CDKN2B-AS1: variants seen among roughly 807,000 people sequenced by gnomAD.
CDKN2B-AS1 encodes CDKN2B antisense RNA 1 (non-protein coding).
chr9:22,017,477 C>G (rs946295837), intron 1 of CDKN2B-AS1, among the ~76,000 whole-genome samples: 5 of 152,196 alleles, frequency 3.3e-5, no homozygotes, highest in Non-Finnish European at 7.3e-5. Flanking sequence ...GGTGTACACA[C>G]AGGGTTTACT....
At position 22,005,477 on chromosome 9, in the gene CDKN2B-AS1, T is replaced by C. The variant is rs1428115235; in HGVS notation, n.29+10316T>C. On this transcript the variant is annotated intron_variant and non_coding_transcript_variant, in intron 1 of 4. Transcript: ENST00000650946. This position sits in a 1 kb window ranked among gnomAD's most constrained non-coding sequence, Gnocchi z 4.9. ...GAAGCCCACCTCGGCCCTCCTCCAC[T>C]TTGTCCTCAGTCTTCAGGTTTTCCT... The C allele has an allele frequency of 3.8e-6, 1 of 262,450 alleles. No homozygotes were observed. The highest frequency in any genetic ancestry group is 5.5e-5 in the East Asian group (1 of 18,216). The allele number at this position is 262,450 out of a possible 1,614,324, so 16.3% of individuals were successfully genotyped here. A position where few individuals can be genotyped will look rare whatever the true frequency, so the allele number is the denominator to read the frequency against.
At chr9:22,119,451 T>G (rs1158864901) in intron 4 of CDKN2B-AS1, 1 of 152,184 alleles carries the variant, frequency 6.6e-6, no homozygotes, top group Non-Finnish European at 1.5e-5. Flanking sequence ...GGGCTATAAT[T>G]CATCAAGTTA....
intron 1 of CDKN2B-AS1, chr9:22,012,266 C>T: frequency 6.9e-7 from 1 of 1,450,062 alleles, no homozygotes; most frequent in South Asian, 1.1e-5. Context: ...GGGTATCCCC[C>T]CTGACAAGCA....
At chr9:22,128,030 T>C (rs1563996632) in exon 5 of CDKN2B-AS1, among the ~76,000 whole-genome samples, 1 of 152,230 alleles carries the variant, frequency 6.6e-6, no homozygotes, top group East Asian at 1.9e-4. Flanking sequence ...ATGATGATCA[T>C]ACTAACTTAT....
At chr9:22,087,002 C>T (rs1038735245) in intron 4 of CDKN2B-AS1, among the ~76,000 whole-genome samples, 2 of 152,236 alleles carry the variant, frequency 1.3e-5, no homozygotes, top group African/African-American at 4.8e-5. Context: ...TTTCTTCATA[C>T]TTCCTTGCCA....
chr9:22,071,024 T>A (rs1252599635), intron 4 of CDKN2B-AS1, among the ~76,000 whole-genome samples: 3 of 152,052 alleles, frequency 2.0e-5, no homozygotes, highest in Admixed American at 1.3e-4. Flanking sequence ...GGTGATGTGA[T>A]TCAAGCCACT....
At chr9:22,040,411 C>T (rs1822851404) in intron 1 of CDKN2B-AS1, among the ~76,000 whole-genome samples, 1 of 151,998 alleles carries the variant, frequency 6.6e-6, no homozygotes, top group Non-Finnish European at 1.5e-5. Flanking sequence ...CATCATTACT[C>T]TACTCAATTC....
chr9:22,011,174 C>T lies in CDKN2B-AS1; in HGVS notation n.29+16013C>T, dbSNP rs1275443985. Among the ~76,000 whole-genome samples, 3 of 152,232 alleles carry T rather than the reference C, an allele frequency of 2.0e-5. No homozygotes were observed. The East Asian group carries it at 5.8e-4, about 29-fold the overall frequency. On this transcript the variant is annotated intron_variant and non_coding_transcript_variant, in intron 1 of 4. Coordinates refer to ENST00000650946, the Ensembl canonical transcript of CDKN2B-AS1. ...ACCAGCTCCAGACAGAATTCTAAAG[C>T]TTCACACTTGATCTTCCAAAGCCCC...
At chr9:22,089,271 T>C (rs2131339378) in intron 4 of CDKN2B-AS1, among the ~76,000 whole-genome samples, 1 of 152,310 alleles carries the variant, frequency 6.6e-6, no homozygotes, top group East Asian at 1.9e-4. Flanking sequence ...CAGTGGATAC[T>C]TGATCAAAAT....
At chr9:22,010,498 TGA>T (rs1821443801) in intron 1 of CDKN2B-AS1, among the ~76,000 whole-genome samples, 1 of 152,112 alleles carries the variant, frequency 6.6e-6, no homozygotes, top group African/African-American at 2.4e-5. Context: ...TATTGCAAAA[TGA>T]GAGTCTTCAC....
intron 4 of CDKN2B-AS1, among the ~76,000 whole-genome samples, chr9:22,099,698 G>A (rs1825415271): frequency 6.6e-6 from 1 of 151,946 alleles, no homozygotes; most frequent in African/African-American, 2.4e-5. Context: ...GGTAAAGAGG[G>A]AAAAGATTTG....
At chr9:22,012,260 A>G in intron 1 of CDKN2B-AS1, 4 of 1,436,220 alleles carry the variant, frequency 2.8e-6, no homozygotes, top group East Asian at 2.3e-5. Flanking sequence ...CAAGGAGGGT[A>G]TCCCCCCTGA....
At chr9:22,065,237 C>T (rs559227560) in intron 4 of CDKN2B-AS1, among the ~76,000 whole-genome samples, 48 of 152,296 alleles carry the variant, frequency 3.2e-4, no homozygotes, top group Middle Eastern at 3.4e-3. Flanking sequence ...CCCAGACACC[C>T]ATCTAGGCCA....
At chr9:22,085,335 T>G (rs536432900) in intron 4 of CDKN2B-AS1, among the ~76,000 whole-genome samples, 59 of 152,280 alleles carry the variant, frequency 3.9e-4, no homozygotes, top group African/African-American at 1.2e-3. Flanking sequence ...CCCTGCCAAG[T>G]GCATTCCTTA....
chr9:22,016,484 T>G (rs1307764073), intron 1 of CDKN2B-AS1, among the ~76,000 whole-genome samples: 1 of 152,090 alleles, frequency 6.6e-6, no homozygotes, highest in African/African-American at 2.4e-5. Context: ...GAGCCCGCAT[T>G]GCCAAGTCAA....
In CDKN2B-AS1 at chr9:21,999,642, T is replaced by C. The variant is rs1820838384; in HGVS notation, n.29+4481T>C. ...AATTGCTACAGATAACTTGTATAAG[T>C]ATGCAGAAATGTTTCTTTATAGCAG... On this transcript the variant is annotated intron_variant and non_coding_transcript_variant, in intron 1 of 4. Transcript: ENST00000650946. The surrounding 1 kb of genome is among the most constrained non-coding windows in gnomAD (Gnocchi z 4.7). Among the ~76,000 whole-genome samples, 1 of 152,172 alleles carries C rather than the reference T, an allele frequency of 6.6e-6. No homozygotes were observed. Among genetic ancestry groups the C allele is most frequent in the Admixed American group, 6.5e-5 (1 of 15,290 alleles).
intron 3 of CDKN2B-AS1, among the ~76,000 whole-genome samples, chr9:22,055,829 C>T (rs181208691): frequency 3.3e-5 from 5 of 152,026 alleles, no homozygotes; most frequent in Admixed American, 2.6e-4. Flanking sequence ...ACCAGACACT[C>T]GGCTACATTA....
At chr9:22,011,461 C>A (rs1033148173) in intron 1 of CDKN2B-AS1, among the ~76,000 whole-genome samples, 2 of 152,170 alleles carry the variant, frequency 1.3e-5, no homozygotes, top group African/African-American at 4.8e-5. Context: ...ATTTTACAGA[C>A]AAGCCAAAAG....
At chr9:22,035,794 T>G (rs891123211) in intron 1 of CDKN2B-AS1, among the ~76,000 whole-genome samples, 15 of 152,140 alleles carry the variant, frequency 9.9e-5, no homozygotes, top group African/African-American at 3.6e-4. Flanking sequence ...TCTGTGGCTT[T>G]TTATCATTAT....
Sources: gnomAD v4.1 joint callset for allele counts (sites outside exome capture counted in the v4.1 genomes callset) on GRCh38, gnomAD v4.1.1 for gene constraint, Gnocchi (gnomAD v3.1) non-coding constraint, MANE v1.5 for transcripts, NCBI Gene and HGNC (gene_info 2026-07-23, HGNC 2026-07-21) for gene names.